Variants in CABIN1 observed in about 807,000 individuals in gnomAD.
CABIN1 encodes the protein calcineurin binding protein 1.
In CABIN1, 133 loss-of-function variants were observed where a neutral mutation model predicts 227.7. The ratio of observed to expected loss-of-function variants is 0.58; its 90% CI spans 0.51 to 0.67. The LOEUF (loss-of-function observed/expected upper bound fraction) is 0.67. Ranked by LOEUF, CABIN1 falls within the 30% of genes least tolerant of loss-of-function variation. The pLI, the probability that CABIN1 is intolerant of heterozygous loss-of-function variation, is 0.00. For synonymous variants in CABIN1, 1,086 were observed against 1,155.1 expected (o/e 0.94, Z 1.21); for missense variants, 2,408 against 2,852.5 (o/e 0.84, Z 3.55).
At chr22:24,152,366 GT>G (rs2045533917) in intron 29 of CABIN1, among the ~76,000 whole-genome samples, 1 of 152,224 alleles carries the variant, frequency 6.6e-6, no homozygotes, top group Non-Finnish European at 1.5e-5. Context: ...GGACAGGATG[GT>G]TTTTGGGGGT....
At chr22:24,103,178 T>C (rs2042313618) in intron 26 of CABIN1, 3 of 152,066 alleles carry the variant, frequency 2.0e-5, no homozygotes, top group Non-Finnish European at 4.4e-5. Flanking sequence ...TTGGAGAGTG[T>C]GTTTGATGCG....
At chr22:24,114,197 A>AG (rs1443262171) in intron 27 of CABIN1, among the ~76,000 whole-genome samples, 1 of 151,926 alleles carries the variant, frequency 6.6e-6, no homozygotes, top group South Asian at 2.1e-4. Flanking sequence ...TTTTTTGGGG[A>AG]GGGGGGCAGA....
chr22:24,055,216 G>A (rs2038694197), intron 9 of CABIN1, 57 bp downstream of exon 9: 3 of 1,583,174 alleles, frequency 1.9e-6, no homozygotes, highest in Admixed American at 1.7e-5. Context: ...GAGCCCAGCA[G>A]GAATGAGACT....
intron 26 of CABIN1, 153 bp downstream of exon 26, chr22:24,098,345 G>T (rs1488921807): frequency 6.9e-7 from 1 of 1,457,134 alleles, no homozygotes; most frequent in African/African-American, 1.4e-5. Context: ...TTAACCTCAT[G>T]GATTCACAGT....
At position 24,131,545 on chromosome 22, in the gene CABIN1, G is replaced by A. The variant is rs188963845; in HGVS notation, c.4633-2757G>A. On this transcript the variant is annotated intron_variant, in intron 28 of 36. Transcript: ENST00000263119. ...CACCCTGGCTCCCCACTGGCCTTAT[G>A]GGCAGCCACATCTGATCCCCTCCAC... Among the ~76,000 whole-genome samples, 221 of 152,282 alleles carry A rather than the reference G, an allele frequency of 1.5e-3. 1 individual carries two copies. The highest frequency in any genetic ancestry group is 4.9e-3 in the African/African-American group (204 of 41,564).
At chr22:24,110,044 G>A (rs1411886649) in intron 26 of CABIN1, among the ~76,000 whole-genome samples, 2 of 152,236 alleles carry the variant, frequency 1.3e-5, no homozygotes, top group African/African-American at 4.8e-5. Context: ...GGTGGGGCAC[G>A]CCTGTAGTCC....
At chr22:24,022,505 C>G (rs149500933) in intron 1 of CABIN1, among the ~76,000 whole-genome samples, 1 of 152,260 alleles carries the variant, frequency 6.6e-6, no homozygotes, top group Admixed American at 6.5e-5. Flanking sequence ...TATCTACTCA[C>G]CTAATGAAGG....
At position 24,076,171 on chromosome 22, in the gene CABIN1, A is replaced by T; in HGVS notation, c.2635A>T (p.Met879Leu). Residue 879 changes from methionine (M) to leucine (L), a missense_variant and splice_region_variant, in exon 19 of 37, where the codon ATG becomes TTG. By Grantham distance (15) the Met-to-Leu change is conservative (BLOSUM62 2). Around this residue, in one of 3 missense-constraint regions of CABIN1, gnomAD observed 1,045 missense variants for 1,168.4 expected, o/e 0.89. Coordinates refer to ENST00000263119, the MANE Select transcript of CABIN1 (RefSeq NM_012295.4). The part of the protein sequence containing the change: ...QQLQNPAEEG[M>L]SETPMLPSSL... ...CTGTCGGCCTGGGCTTTCCCTAGGGATGTCAGAGACGCCCATGCTCCCATC... is the reference window on the plus strand; with the variant it reads ...CTGTCGGCCTGGGCTTTCCCTAGGGTTGTCAGAGACGCCCATGCTCCCATC... 6.2e-7 allele frequency: 1 copy of T among 1,613,588 alleles called. No homozygotes were observed. Among genetic ancestry groups the T allele is most frequent in the African/African-American group, 1.3e-5 (1 of 75,024 alleles).
intron 1 of CABIN1, among the ~76,000 whole-genome samples, chr22:24,015,497 A>C (rs1308463518): frequency 6.7e-6 from 1 of 149,554 alleles, no homozygotes; most frequent in Non-Finnish European, 1.5e-5. Context: ...GGCGCCCACC[A>C]CCGCGCCTGG....
At chr22:24,052,555 C>T (rs2038424161) in intron 8 of CABIN1, among the ~76,000 whole-genome samples, 1 of 151,214 alleles carries the variant, frequency 6.6e-6, no homozygotes, top group Non-Finnish European at 1.5e-5. Flanking sequence ...CTTTGGGAGG[C>T]TGAGGCAGGA....
intron 26 of CABIN1, among the ~76,000 whole-genome samples, chr22:24,098,744 A>G (rs1210669157): frequency 2.6e-5 from 4 of 152,212 alleles, no homozygotes; most frequent in Non-Finnish European, 5.9e-5. Flanking sequence ...CTGTTCAACC[A>G]CATTCCTTAC....
At chr22:24,166,305 A>G (rs2046442957) in intron 31 of CABIN1, among the ~76,000 whole-genome samples, 1 of 152,146 alleles carries the variant, frequency 6.6e-6, no homozygotes, top group Non-Finnish European at 1.5e-5. Context: ...CACGTCATGG[A>G]GTCAAAGGGG....
intron 29 of CABIN1, among the ~76,000 whole-genome samples, chr22:24,137,956 CA>C (rs1555978430): frequency 6.6e-6 from 1 of 152,166 alleles, no homozygotes; most frequent in Non-Finnish European, 1.5e-5. Flanking sequence ...TAGTGGGAAG[CA>C]AAGGCAGTAG....
At chr22:24,014,133 C>T (rs1428413407) in intron 1 of CABIN1, among the ~76,000 whole-genome samples, 1 of 152,202 alleles carries the variant, frequency 6.6e-6, no homozygotes, top group Non-Finnish European at 1.5e-5. Flanking sequence ...AATTTGCTCC[C>T]TGACTTTAGC....
At chr22:24,037,259 CAAAAAAA>C (rs71184942) in intron 3 of CABIN1, among the ~76,000 whole-genome samples, 9 of 52,636 alleles carry the variant, frequency 1.7e-4, no homozygotes, top group African/African-American at 5.4e-4. Context: ...GACCCCGTCT[CAAAAAAA>C]AAAAAAAAAA....
At chr22:24,080,785 T>C (rs2040754735) in intron 19 of CABIN1, among the ~76,000 whole-genome samples, 2 of 152,248 alleles carry the variant, frequency 1.3e-5, no homozygotes. Flanking sequence ...TAATTTTTTC[T>C]TATGCACAGC....
chr22:24,127,630 C>G (rs2043816127), intron 28 of CABIN1, among the ~76,000 whole-genome samples: 1 of 152,130 alleles, frequency 6.6e-6, no homozygotes, highest in Admixed American at 6.6e-5. Flanking sequence ...TGACGAGTAG[C>G]AGCCTGGCAG....
chr22:24,041,264 C>T lies in CABIN1; in HGVS notation c.336C>T (p.Phe112=), dbSNP rs1258502237. Residue 112 remains phenylalanine (F), a synonymous_variant, in exon 5 of 37, where the codon TTC becomes TTT. Transcript: ENST00000263119. ...AGGATCTGGAGACAGCCATGGAGTT[C>T]TACTTAGAGGTGTGGTTTTGGCAGT... ...QREDLETAME[F]YLEAVMLDST... 1 of 1,614,182 alleles carries T rather than the reference C, an allele frequency of 6.2e-7. No individual in the cohort carries two copies. Among genetic ancestry groups the T allele is most frequent in the Non-Finnish European group, 8.5e-7 (1 of 1,180,034 alleles).
chr22:24,028,257 A>C (rs1376790928), intron 1 of CABIN1, among the ~76,000 whole-genome samples: 1 of 152,260 alleles, frequency 6.6e-6, no homozygotes, highest in African/African-American at 2.4e-5. Context: ...GCTGCCACAG[A>C]CTTTCAATTA....
Sources: gnomAD v4.1 joint callset for allele counts (sites outside exome capture counted in the v4.1 genomes callset) on GRCh38, gnomAD v4.1.1 for gene constraint, gnomAD v4.1.1 regional missense constraint, MANE v1.5 for transcripts, NCBI Gene and HGNC (gene_info 2026-07-23, HGNC 2026-07-21) for gene names.